The following GDAP1L1 variants were observed in gnomAD, a reference collection of about 807,000 sequenced individuals.
GDAP1L1 encodes ganglioside induced differentiation associated protein 1 like 1, also known as ganglioside-induced differentiation-associated protein 1-like 1.
Under a neutral mutation model 37.1 loss-of-function variants are expected in GDAP1L1, and 21 were observed. The observed-to-expected ratio is 0.57, with a 90% CI of 0.40 to 0.81. GDAP1L1 has a LOEUF of 0.81. GDAP1L1 is among the 40% of genes least tolerant of loss of function. GDAP1L1 has a pLI of 0.00. For synonymous variants in GDAP1L1, 193 were observed against 209.1 expected (o/e 0.92, Z 0.67); for missense variants, 362 against 491.6 (o/e 0.74, Z 2.49).
intron 1 of GDAP1L1, among the ~76,000 whole-genome samples, chr20:44,254,308 C>A (rs2073499089): frequency 6.6e-6 from 1 of 152,170 alleles, no homozygotes; most frequent in African/African-American, 2.4e-5. Flanking sequence ...TCCATGCACA[C>A]CCACACTCAC....
intron 5 of GDAP1L1, 126 bp downstream of exon 5, chr20:44,264,685 T>C: frequency 6.7e-7 from 1 of 1,497,468 alleles, no homozygotes; most frequent in Non-Finnish European, 9.0e-7. Context: ...GAGGATGGGC[T>C]ATGGAGTCAG....
chr20:44,258,921 C>T (rs2073618340), intron 3 of GDAP1L1, among the ~76,000 whole-genome samples: 1 of 152,048 alleles, frequency 6.6e-6, no homozygotes, highest in African/African-American at 2.4e-5. Context: ...TCCCTCTCTG[C>T]CAGTCTCGCT....
chr20:44,262,002 G>T (rs927512461), intron 3 of GDAP1L1, among the ~76,000 whole-genome samples: 1 of 152,218 alleles, frequency 6.6e-6, no homozygotes, highest in African/African-American at 2.4e-5. Context: ...TATTGGGACA[G>T]GAACAGTTGG....
chr20:44,277,849 G>A (rs1288072916), intron 5 of GDAP1L1, among the ~76,000 whole-genome samples: 1 of 152,108 alleles, frequency 6.6e-6, no homozygotes, highest in African/African-American at 2.4e-5. Context: ...TTGTATGTGG[G>A]GGTGAAAAAG....
chr20:44,256,276 T>C, intron 1 of GDAP1L1, among the ~76,000 whole-genome samples: 1 of 152,172 alleles, frequency 6.6e-6, no homozygotes, highest in East Asian at 1.9e-4. Context: ...GATGAGGTGT[T>C]TGGGGGAAAT....
At position 44,279,669 on chromosome 20, in the gene GDAP1L1, G is replaced by T. The variant is rs1280126087; in HGVS notation, c.*369G>T. ...CACCAGGGCCCAGATTCTGGGAGGT[G>T]CTGGGGACTCAGAGGGCCTGACCCC... On this transcript the variant is annotated 3_prime_UTR_variant, in exon 6 of 6. Coordinates refer to ENST00000342560, the MANE Select transcript of GDAP1L1 (RefSeq NM_024034.6). 2.1e-6 allele frequency: 1 copy of T among 479,474 alleles called. No individual in the cohort carries two copies. Among genetic ancestry groups the T allele is most frequent in the Admixed American group, 2.3e-5 (1 of 42,792 alleles). The allele number at this position is 479,474 out of a possible 1,614,324, so 29.7% of individuals were successfully genotyped here.
intron 1 of GDAP1L1, among the ~76,000 whole-genome samples, chr20:44,255,511 C>CAGG (rs1000802133): frequency 5.3e-5 from 7 of 131,398 alleles, no homozygotes; most frequent in Non-Finnish European, 9.3e-5. Context: ...CACTGCACTC[C>CAGG]AGCCTGAGCA....
intron 1 of GDAP1L1, among the ~76,000 whole-genome samples, chr20:44,253,843 GGATTATCATGCCTCTAAA>G (rs1318758789): frequency 1.3e-5 from 2 of 152,216 alleles, no homozygotes; most frequent in Non-Finnish European, 2.9e-5. Flanking sequence ...GCTCCAAGCA[GGATTATCATGCCTCTAAA>G]GATATAGTCC....
intron 5 of GDAP1L1, among the ~76,000 whole-genome samples, chr20:44,275,405 G>A (rs550988590): frequency 6.8e-4 from 104 of 152,274 alleles, no homozygotes; most frequent in African/African-American, 2.3e-3. Context: ...GGGGGCTCAG[G>A]TTTTGACGGT....
chr20:44,264,937 G>T (rs1289296038), intron 5 of GDAP1L1: 1 of 985,218 alleles, frequency 1.0e-6, no homozygotes. Context: ...TAGATGTCAT[G>T]GTTAGGGCCA....
intron 5 of GDAP1L1, among the ~76,000 whole-genome samples, chr20:44,276,296 C>T (rs2062572369): frequency 6.7e-6 from 1 of 149,368 alleles, no homozygotes; most frequent in South Asian, 2.1e-4. Context: ...GATTGCACCA[C>T]TGCACTGCAG....
chr20:44,271,866 C>T (rs2062519622), intron 5 of GDAP1L1, among the ~76,000 whole-genome samples: 1 of 152,164 alleles, frequency 6.6e-6, no homozygotes. Flanking sequence ...AATAAAGGGA[C>T]TCTTTACCAA....
At chr20:44,259,385 C>T (rs2073631366) in intron 3 of GDAP1L1, among the ~76,000 whole-genome samples, 1 of 152,154 alleles carries the variant, frequency 6.6e-6, no homozygotes, top group South Asian at 2.1e-4. Context: ...TCATGTCGTC[C>T]CCCTCAAAGG....
intron 1 of GDAP1L1, among the ~76,000 whole-genome samples, chr20:44,255,670 C>T (rs2145998028): frequency 6.6e-6 from 1 of 151,844 alleles, no homozygotes; most frequent in South Asian, 2.1e-4. Flanking sequence ...TGCATTGCCT[C>T]TTCTGGATGC....
At chr20:44,252,235 G>A (rs534291600) in intron 1 of GDAP1L1, among the ~76,000 whole-genome samples, 1 of 152,384 alleles carries the variant, frequency 6.6e-6, no homozygotes, top group Admixed American at 6.5e-5. Flanking sequence ...AACCCGGCCA[G>A]GCGTGGTGGC....
At chr20:44,247,288 C>A, upstream of GDAP1L1, 1 of 1,595,868 alleles carries the variant, frequency 6.3e-7, no homozygotes, top group Non-Finnish European at 8.6e-7. Flanking sequence ...GAGAGAGAGC[C>A]GCCGCGCCGG....
chr20:44,264,029 G>A (rs2073719723), intron 4 of GDAP1L1, among the ~76,000 whole-genome samples: 1 of 152,172 alleles, frequency 6.6e-6, no homozygotes, highest in Non-Finnish European at 1.5e-5. Context: ...AGCACAAATG[G>A]CACCACAAAG....
At chr20:44,273,127 TTCAA>T (rs1477562943) in intron 5 of GDAP1L1, among the ~76,000 whole-genome samples, 2 of 152,200 alleles carry the variant, frequency 1.3e-5, no homozygotes, top group Non-Finnish European at 2.9e-5. Context: ...ATGGCCTAAG[TTCAA>T]ATCTAGGCTC....
rs150556981 is a variant in GDAP1L1, at chr20:44,272,297, G to A, written c.761-6660G>A. On this transcript the variant is annotated intron_variant, in intron 5 of 5. Coordinates refer to ENST00000342560, the MANE Select transcript of GDAP1L1 (RefSeq NM_024034.6). ...CTGCATTGGTCCGCATCAGCAGTAT[G>A]GAGCGGTTTTGCAGCATTGAGGTGG... Among the ~76,000 whole-genome samples the A allele has an allele frequency of 3.8e-4, 58 of 152,312 alleles. 1 individual carries two copies. The Middle Eastern group carries it at 0.017, about 45-fold the overall frequency.
Sources: allele counts gnomAD v4.1 joint callset (sites outside exome capture counted in the v4.1 genomes callset), GRCh38; gene constraint gnomAD v4.1.1; transcripts MANE v1.5; gene names NCBI Gene and HGNC (gene_info 2026-07-23, HGNC 2026-07-21).